Variants in AKNA observed in about 807,000 individuals in gnomAD.
AKNA encodes the protein AT-hook transcription factor.
Under a neutral mutation model 138.8 loss-of-function variants are expected in AKNA, and 67 were observed. The observed-to-expected ratio is 0.48, with a 90% CI of 0.40 to 0.59. The LOEUF is 0.59. Among genes scored for constraint, AKNA ranks in the 20% least tolerant of loss-of-function variants. The pLI, the probability that AKNA is intolerant of heterozygous loss-of-function variation, is 0.00. For missense variants in AKNA, 1,813 were observed against 1,880.4 expected (o/e 0.96, Z 0.66); for synonymous variants, 737 against 754.4 (o/e 0.98, Z 0.38).
At position 114,350,935 on chromosome 9, in the gene AKNA, C is replaced by T. The variant is rs571164651; in HGVS notation, c.3145G>A (p.Ala1049Thr). The change falls in exon 15 of 22, where the codon GCC becomes ACC. Residue 1049 changes from alanine (A) to threonine (T), a missense_variant. Physicochemically the swap from Ala to Thr is moderately conservative, Grantham distance 58. Coordinates refer to ENST00000374088, the MANE Select transcript of AKNA (RefSeq NM_001317950.2). ...CAGGGTAGAGGCGCAGCGGCAGGGGCGGGGGCTGGGGGTGGGCTGATTGTC... is the reference window on the plus strand; with the variant it reads ...CAGGGTAGAGGCGCAGCGGCAGGGGTGGGGGCTGGGGGTGGGCTGATTGTC... Reference protein sequence around the residue: ...NKTISPPPAPAPAAAPLPCGP... With the variant: ...NKTISPPPAPTPAAAPLPCGP... The T allele has an allele frequency of 5.5e-5, 44 of 806,064 alleles. No homozygotes were observed. Among genetic ancestry groups the T allele is most frequent in the East Asian group, 1.0e-4 (2 of 19,704 alleles). 49.9% of individuals were successfully genotyped at this position (806,064 alleles called of 1,614,324 possible).
At chr9:114,396,666 A>G (rs995542458), upstream of AKNA, 3 of 148,006 alleles carry the variant, frequency 2.0e-5, no homozygotes, top group Admixed American at 6.9e-5. Context: ...AGACAGAGCT[A>G]GACTCCATCT....
At chr9:114,352,790 G>A (rs1238486153) in intron 14 of AKNA, among the ~76,000 whole-genome samples, 3 of 151,926 alleles carry the variant, frequency 2.0e-5, no homozygotes, top group Admixed American at 6.6e-5. Flanking sequence ...GCGTGGTGGC[G>A]CGTGCCTATA....
downstream of AKNA, chr9:114,331,851 G>A (rs970091086): frequency 1.2e-6 from 2 of 1,613,694 alleles, no homozygotes; most frequent in African/African-American, 2.7e-5. Flanking sequence ...CGACCAAGGA[G>A]CAACTGGGAG....
rs115855143 is a variant in AKNA, at chr9:114,376,320, C to G, written c.1341+146G>C. 7.5e-3 allele frequency: 4,608 copies of G among 616,830 alleles called. 252 individuals carry two copies. In the African/African-American group the frequency reaches 0.085, roughly 11 times the overall value. 38.2% of individuals were successfully genotyped at this position (616,830 alleles called of 1,614,324 possible). Reference sequence around the variant, plus strand: ...GCCTCCCCACCCCACCAGCCTCCGTCCTAGGGCTTCCCACCCCAGCCAGGC... The same window carrying G: ...GCCTCCCCACCCCACCAGCCTCCGTGCTAGGGCTTCCCACCCCAGCCAGGC... On this transcript the variant is annotated intron_variant, in intron 3 of 21. Coordinates refer to ENST00000374088, the MANE Select transcript of AKNA (RefSeq NM_001317950.2).
In AKNA at chr9:114,360,216, T is replaced by C. The variant is rs773375913; in HGVS notation, c.2125-154A>G. 5.0e-4 allele frequency: 444 copies of C among 881,002 alleles called. 1 individual carries two copies. The highest frequency in any genetic ancestry group is 7.5e-4 in the Non-Finnish European group (423 of 565,316). The allele number at this position is 881,002 out of a possible 1,614,324, so 54.6% of individuals were successfully genotyped here. On this transcript the variant is annotated intron_variant, in intron 9 of 21. Coordinates refer to ENST00000374088, the MANE Select transcript of AKNA (RefSeq NM_001317950.2). ...CACCCTTTTATGTATGTGTAAACTA[T>C]GGAGACTGGGCTGTGTGGTCTTCGA...
intron 2 of AKNA, among the ~76,000 whole-genome samples, chr9:114,378,206 C>T (rs544228494): frequency 1.8e-4 from 27 of 152,324 alleles, no homozygotes; most frequent in African/African-American, 5.5e-4. Flanking sequence ...ATGGGGGCTA[C>T]GCATGTGCGC....
chr9:114,367,823 T>A, intron 5 of AKNA, 126 bp from the exon 6 acceptor site: 1 of 1,085,900 alleles, frequency 9.2e-7, no homozygotes. Context: ...TGTGCGATCT[T>A]CACATCAGCC....
At chr9:114,361,661 A>AATGCAC (rs1482076993) in intron 9 of AKNA, 43 bp downstream of exon 9, 1 of 1,599,094 alleles carries the variant, frequency 6.3e-7, no homozygotes, top group Non-Finnish European at 8.6e-7. Flanking sequence ...CGAAGAAATG[A>AATGCAC]ATGCACGAGG....
chr9:114,384,408 T>C (rs900794172), intron 1 of AKNA, among the ~76,000 whole-genome samples: 3 of 152,132 alleles, frequency 2.0e-5, no homozygotes, highest in African/African-American at 7.2e-5. Flanking sequence ...CTGTCTCTAC[T>C]AAAAATAAAA....
At chr9:114,331,048 A>G (rs897101023), downstream of AKNA, among the ~76,000 whole-genome samples, 3 of 152,126 alleles carry the variant, frequency 2.0e-5, no homozygotes, top group Non-Finnish European at 4.4e-5. Context: ...ATGAGGAAAC[A>G]TAAGAACAGA....
In AKNA at chr9:114,381,395, G is replaced by A. The variant is rs1389805332; in HGVS notation, c.-62C>T. 3 of 1,462,636 alleles carry A rather than the reference G, an allele frequency of 2.1e-6. No individual in the cohort carries two copies. The highest frequency in any genetic ancestry group is 5.0e-5 in the East Asian group (2 of 40,182). 90.6% of individuals were successfully genotyped at this position (1,462,636 alleles called of 1,614,324 possible). On this transcript the variant is annotated 5_prime_UTR_variant, in exon 2 of 22. Transcript: ENST00000374088. Reference sequence around the variant, plus strand: ...TTCAGGAGACAGAGCTGCTGCCAGGGGCCCCAGAGTCACCGCTGGTTCCTG... The same window carrying A: ...TTCAGGAGACAGAGCTGCTGCCAGGAGCCCCAGAGTCACCGCTGGTTCCTG...
chr9:114,394,698 G>C (rs1043111760), upstream of AKNA, among the ~76,000 whole-genome samples: 1 of 152,200 alleles, frequency 6.6e-6, no homozygotes, highest in Non-Finnish European at 1.5e-5. Context: ...ATGAAGAAAG[G>C]TTCAGAGAGG....
rs573529925 is a variant in AKNA, at chr9:114,358,088, G to A, written c.2572C>T (p.Leu858=). Residue 858 remains leucine, a synonymous_variant, in exon 12 of 22, where the codon CTG becomes TTG. Coordinates refer to ENST00000374088, the MANE Select transcript of AKNA (RefSeq NM_001317950.2). ...GGAGGGGCTGCCTCAGCCTTGCCCA[G>A]GCCTGACATGTGCCCGTCTCTAGCC... The part of the protein sequence containing the change: ...SLARDGHMSG[L]GKAEAAPPGP... 1 of 1,614,200 alleles carries A rather than the reference G, an allele frequency of 6.2e-7. No homozygotes were observed. The highest frequency in any genetic ancestry group is 1.3e-5 in the African/African-American group (1 of 75,072).
At chr9:114,386,237 T>C (rs891085831) in intron 1 of AKNA, among the ~76,000 whole-genome samples, 1 of 152,124 alleles carries the variant, frequency 6.6e-6, no homozygotes, top group Non-Finnish European at 1.5e-5. Flanking sequence ...GCAAAGAATA[T>C]AGAAAAGAGT....
At chr9:114,331,918 G>A (rs1346938592), downstream of AKNA, 27 of 1,613,592 alleles carry the variant, frequency 1.7e-5, no homozygotes, top group Admixed American at 5.0e-5. Context: ...CATGTACACC[G>A]ACTGGAAAAA....
At chr9:114,380,021 T>A (rs12001020) in intron 2 of AKNA, among the ~76,000 whole-genome samples, 4,425 of 151,994 alleles carry the variant, frequency 0.029, 217 homozygotes, top group African/African-American at 0.1. Flanking sequence ...TGTGGTGGCA[T>A]GCACCTGTAG....
chr9:114,359,275 C>T, intron 11 of AKNA: 1 of 390,648 alleles, frequency 2.6e-6, no homozygotes, highest in Non-Finnish European at 4.6e-6. Flanking sequence ...TGCCGTTTTG[C>T]TCAGGCTAGT....
chr9:114,347,651 G>A (rs1830779499), intron 16 of AKNA, 73 bp downstream of exon 16: 1 of 1,421,998 alleles, frequency 7.0e-7, no homozygotes, highest in Non-Finnish European at 9.3e-7. Flanking sequence ...TGTCTGGGGA[G>A]AGCCAGAGGC....
Position 114,347,875 on chromosome 9 carries a change from C to T in AKNA, c.3247G>A (p.Glu1083Lys). 1 of 1,551,914 alleles carries T rather than the reference C, an allele frequency of 6.4e-7. No homozygotes were observed. Among genetic ancestry groups the T allele is most frequent in the South Asian group, 1.2e-5 (1 of 83,952 alleles). ...AGCCGCAGACGAAGCCGGGACACCT[C>T]TTCTTGCAGCTCACAGATGGCCTGG... Reference protein sequence around the residue: ...RDQAICELQEEVSRLRLRLED... With the variant: ...RDQAICELQEKVSRLRLRLED... Residue 1083 changes from glutamate (E) to lysine (K), a missense_variant, in exon 16 of 22, where the codon GAG becomes AAG. Physicochemically the swap from Glu to Lys is moderately conservative, Grantham distance 56. Coordinates refer to ENST00000374088, the MANE Select transcript of AKNA (RefSeq NM_001317950.2).
Sources: allele counts gnomAD v4.1 joint callset (sites outside exome capture counted in the v4.1 genomes callset), GRCh38; gene constraint gnomAD v4.1.1; transcripts MANE v1.5; gene names NCBI Gene and HGNC (gene_info 2026-07-23, HGNC 2026-07-21).